Variants in SETD3 observed in about 807,000 individuals in gnomAD.
SETD3 encodes the protein actin-histidine N-methyltransferase.
SETD3 carries 19 observed loss-of-function variants against 63.0 expected under a neutral mutation model. The observed-to-expected ratio is 0.30, with a 90% CI of 0.21 to 0.44. The LOEUF is 0.44. Among genes scored for constraint, SETD3 ranks in the 20% least tolerant of loss-of-function variants. The probability of loss-of-function intolerance (pLI) is 1.00; values close to 1 mark genes in which losing one functional copy is unlikely to be tolerated. For synonymous variants in SETD3, 286 were observed against 264.1 expected, an observed-to-expected ratio of 1.08 and a Z score of -0.80; for missense variants, 587 against 728.5, an observed-to-expected ratio of 0.81 and a Z score of 2.24.
chr14:99,458,642 TAA>T (rs67963270), intron 5 of SETD3, 107 bp from the exon 6 acceptor site: 586,131 of 1,394,484 alleles, frequency 0.42, 125,973 homozygotes, highest in Admixed American at 0.57. Context: ...TTGTAACATT[TAA>T]AGTCAGGTAC....
At position 99,399,006 on chromosome 14, in the gene SETD3, C is replaced by G. The variant is rs757408103; in HGVS notation, c.1458G>C (p.Arg486=). The change falls in exon 13 of 13, where the codon CGG becomes CGC. Residue 486 remains arginine (R), a synonymous_variant. Coordinates refer to ENST00000331768, the MANE Select transcript of SETD3 (RefSeq NM_032233.3). ...EKAVKSAAVN[R]EYYRQQMEEK... is the part of the protein sequence containing the mutation. ...CCTCCATCTGTTGGCGATAGTATTC[C>G]CGGTTGACAGCTGCACTCTTTACTG... is the stretch of plus-strand genomic sequence containing the variant. The G allele has an allele frequency of 3.1e-6, 5 of 1,614,060 alleles. No homozygotes were observed. The highest frequency in any genetic ancestry group is 1.7e-5 in the Admixed American group (1 of 60,006).
intron 6 of SETD3, among the ~76,000 whole-genome samples, chr14:99,456,303 T>C (rs1316691858): frequency 6.6e-6 from 1 of 152,246 alleles, no homozygotes; most frequent in Non-Finnish European, 1.5e-5. Context: ...TCAGACTGAT[T>C]TAATTGCAAA....
Position 99,398,698 on chromosome 14 carries a change from G to A in SETD3, c.1766C>T (p.Thr589Ile). ...EDAKGSSSDS[T>I]AGVKE ...CTCGAGCTACTCCTTAACTCCAGCA[G>A]TGCTGTCTGAAGAAGATCCTTTGGC... The change falls in exon 13 of 13, where the codon ACT (threonine) becomes ATT (isoleucine). Residue 589 changes from threonine to isoleucine, a missense_variant. Transcript: ENST00000331768. The A allele has an allele frequency of 6.2e-7, 1 of 1,614,022 alleles. No homozygotes were observed. The highest frequency in any genetic ancestry group is 8.5e-7 in the Non-Finnish European group (1 of 1,179,958).
At chr14:99,480,240 G>T (rs3918024) in intron 1 of SETD3, among the ~76,000 whole-genome samples, 62,390 of 151,698 alleles carry the variant, frequency 0.41, 13,284 homozygotes, top group East Asian at 0.56. Flanking sequence ...GAGCAGCGGG[G>T]TGACGGGAGG....
In SETD3 at chr14:99,398,566, A is replaced by C. The variant is rs1891205889; in HGVS notation, c.*113T>G. The stretch of plus-strand genomic sequence containing the variant: ...AACCATTTTTATATAAAGCAGCAAA[A>C]ACATATCTTCCTCTCTGCAGAAAGA... On this transcript the variant is annotated 3_prime_UTR_variant, in exon 13 of 13. Coordinates refer to ENST00000331768, the MANE Select transcript of SETD3 (RefSeq NM_032233.3). 9.6e-7 allele frequency: 1 copy of C among 1,043,014 alleles called. No homozygotes were observed. The highest frequency in any genetic ancestry group is 1.4e-6 in the Non-Finnish European group (1 of 721,648). The allele number at this position is 1,043,014 out of a possible 1,614,324, so 64.6% of individuals were successfully genotyped here.
At chr14:99,434,410 G>A (rs1425620750) in intron 6 of SETD3, among the ~76,000 whole-genome samples, 2 of 152,178 alleles carry the variant, frequency 1.3e-5, no homozygotes, top group Admixed American at 1.3e-4. Context: ...CACTGATGGG[G>A]AAAGGACAGT....
chr14:99,453,333 A>C (rs765307287), intron 6 of SETD3, among the ~76,000 whole-genome samples: 1 of 152,230 alleles, frequency 6.6e-6, no homozygotes, highest in Admixed American at 6.5e-5. Flanking sequence ...GAACATTCTA[A>C]AACTAGAAAA....
At chr14:99,482,062 T>C (rs1433897042), upstream of SETD3, among the ~76,000 whole-genome samples, 1 of 152,230 alleles carries the variant, frequency 6.6e-6, no homozygotes, top group Non-Finnish European at 1.5e-5. Flanking sequence ...AGAGAAATTG[T>C]TCTTTAGAAA....
At chr14:99,480,147 G>T (rs577807481) in intron 1 of SETD3, among the ~76,000 whole-genome samples, 36 of 152,358 alleles carry the variant, frequency 2.4e-4, no homozygotes, top group African/African-American at 7.7e-4. Flanking sequence ...GACGGCGCGG[G>T]AGGAGGCGGG....
chr14:99,442,044 C>A (rs571258609), intron 6 of SETD3, among the ~76,000 whole-genome samples: 32 of 152,250 alleles, frequency 2.1e-4, no homozygotes, highest in African/African-American at 7.7e-4. Context: ...ACCTCTGGTG[C>A]GCAGACGCCC....
intron 8 of SETD3, among the ~76,000 whole-genome samples, chr14:99,407,266 C>T (rs1294577077): frequency 2.0e-5 from 3 of 152,100 alleles, no homozygotes; most frequent in Non-Finnish European, 4.4e-5. Context: ...CCTGCGTCTC[C>T]TTCTAAGCTC....
chr14:99,409,318 C>T (rs1470476522), intron 8 of SETD3, among the ~76,000 whole-genome samples: 2 of 152,056 alleles, frequency 1.3e-5, no homozygotes, highest in East Asian at 1.9e-4. Context: ...TATATATATA[C>T]GTATATATAA....
intron 6 of SETD3, among the ~76,000 whole-genome samples, chr14:99,419,900 A>C (rs1595171324): frequency 6.6e-6 from 1 of 152,192 alleles, no homozygotes; most frequent in East Asian, 1.9e-4. Flanking sequence ...TTACTCAACA[A>C]ATATTTATTG....
intron 6 of SETD3, among the ~76,000 whole-genome samples, chr14:99,425,953 T>C (rs754800163): frequency 6.6e-6 from 1 of 152,188 alleles, no homozygotes; most frequent in Non-Finnish European, 1.5e-5. Context: ...TATTTACCTT[T>C]TAATTTCTAA....
At chr14:99,447,270 G>A (rs1555361068) in intron 6 of SETD3, among the ~76,000 whole-genome samples, 1 of 152,192 alleles carries the variant, frequency 6.6e-6, no homozygotes, top group Non-Finnish European at 1.5e-5. Flanking sequence ...ACTGTGCCCA[G>A]CCCATTTCAT....
At chr14:99,431,415 G>A (rs1458123684) in intron 6 of SETD3, among the ~76,000 whole-genome samples, 1 of 152,112 alleles carries the variant, frequency 6.6e-6, no homozygotes. Flanking sequence ...TCCTTCTAGT[G>A]CACACCATTC....
intron 6 of SETD3, among the ~76,000 whole-genome samples, chr14:99,430,336 T>C (rs1276469986): frequency 2.0e-5 from 3 of 152,246 alleles, no homozygotes; most frequent in African/African-American, 7.2e-5. Flanking sequence ...TCTGGGTCAC[T>C]GAAACCCTGT....
chr14:99,428,677 G>A (rs1207232020), intron 6 of SETD3, among the ~76,000 whole-genome samples: 2 of 152,120 alleles, frequency 1.3e-5, no homozygotes, highest in Admixed American at 6.5e-5. Context: ...AACAAGTGAT[G>A]GAGGAAGTGA....
intron 6 of SETD3, among the ~76,000 whole-genome samples, chr14:99,436,043 C>T (rs1315747042): frequency 6.6e-6 from 1 of 152,142 alleles, no homozygotes; most frequent in Non-Finnish European, 1.5e-5. Context: ...CACAAGGCAG[C>T]AGGAAGAAGT....
Sources: allele counts gnomAD v4.1 joint callset (sites outside exome capture counted in the v4.1 genomes callset), GRCh38; gene constraint gnomAD v4.1.1; transcripts MANE v1.5; gene names NCBI Gene and HGNC (gene_info 2026-07-23, HGNC 2026-07-21).